The following NEK1 variants were observed in gnomAD, a reference collection of about 807,000 sequenced individuals.
NEK1 encodes NIMA related kinase 1, also known as serine/threonine-protein kinase Nek1.
Under a neutral mutation model 182.1 loss-of-function variants are expected in NEK1, and 137 were observed. The ratio of observed to expected loss-of-function variants is 0.75; its 90% CI spans 0.65 to 0.87. NEK1 has a LOEUF of 0.87. Ranked by LOEUF, NEK1 falls within the 40% of genes least tolerant of loss-of-function variation. NEK1 has a pLI of 0.00. For synonymous variants in NEK1, 513 were observed against 492.2 expected (o/e 1.04, Z -0.56); for missense variants, 1,391 against 1,494.4 (o/e 0.93, Z 1.14).
intron 23 of NEK1, among the ~76,000 whole-genome samples, chr4:169,485,331 T>C (rs1252827002): frequency 1.3e-5 from 2 of 152,198 alleles, no homozygotes; most frequent in South Asian, 2.1e-4. Flanking sequence ...TGAAAATTTA[T>C]GGGTGGTTCA....
chr4:169,577,201 T>C lies in NEK1; in HGVS notation c.869-122A>G, dbSNP rs1003542150. The stretch of plus-strand genomic sequence containing the variant: ...CATTGATAGTATTTTAAACTTTCTA[T>C]CAAATATCTTAATTCATCCCTTAGT... On this transcript the variant is annotated intron_variant, in intron 11 of 35. Transcript: ENST00000507142. 1.3e-4 allele frequency: 119 copies of C among 942,210 alleles called. No individual in the cohort carries two copies. The East Asian group carries it at 3.1e-3, about 25-fold the overall frequency. The allele number at this position is 942,210 out of a possible 1,614,324, so 58.4% of individuals were successfully genotyped here. A position where few individuals can be genotyped will look rare whatever the true frequency, so the allele number is the denominator to read the frequency against.
intron 2 of NEK1, among the ~76,000 whole-genome samples, chr4:169,607,321 T>C (rs12498978): frequency 0.47 from 71,568 of 152,036 alleles, 18,963 homozygotes; most frequent in East Asian, 0.76. Context: ...GACTCACAAA[T>C]GACTCAAACA....
chr4:169,528,813 A>G lies in NEK1; in HGVS notation c.1665+8996T>C, dbSNP rs987094204. Among the ~76,000 whole-genome samples the G allele has an allele frequency of 4.0e-4, 61 of 152,192 alleles. 2 individuals are homozygous for G. Among genetic ancestry groups the G allele is most frequent in the Admixed American group, 4.0e-3 (61 of 15,272 alleles). On this transcript the variant is annotated intron_variant, in intron 19 of 35. Transcript: ENST00000507142. Reference sequence around the variant, plus strand: ...ATATTCCACCCAACAATAGCAGAAAACCATTCCATTCAAGTACATGTGGAA... The same window carrying G: ...ATATTCCACCCAACAATAGCAGAAAGCCATTCCATTCAAGTACATGTGGAA...
intron 19 of NEK1, among the ~76,000 whole-genome samples, chr4:169,537,082 C>G (rs564664061): frequency 6.6e-6 from 1 of 152,196 alleles, no homozygotes; most frequent in African/African-American, 2.4e-5. Flanking sequence ...ATCTAATTAA[C>G]CTATTTCTTA....
intron 12 of NEK1, among the ~76,000 whole-genome samples, chr4:169,572,456 T>C (rs938851304): frequency 1.3e-5 from 2 of 152,176 alleles, no homozygotes; most frequent in Admixed American, 6.6e-5. Context: ...AATTTTGAGA[T>C]GTCTATTAGA....
chr4:169,566,436 T>G (rs1163667227), intron 12 of NEK1, among the ~76,000 whole-genome samples: 1 of 152,222 alleles, frequency 6.6e-6, no homozygotes, highest in East Asian at 1.9e-4. Flanking sequence ...GAGAACTGTT[T>G]GTGTTCTTTT....
intron 31 of NEK1, among the ~76,000 whole-genome samples, chr4:169,420,211 T>C (rs1735250992): frequency 6.6e-6 from 1 of 152,182 alleles, no homozygotes; most frequent in Admixed American, 6.5e-5. Context: ...ATCTAGAAAG[T>C]CTTCAAGGGC....
At chr4:169,494,054 T>C (rs1050290045) in intron 23 of NEK1, among the ~76,000 whole-genome samples, 16 of 151,154 alleles carry the variant, frequency 1.1e-4, no homozygotes, top group African/African-American at 3.6e-4. Flanking sequence ...AGAACCAAAT[T>C]GCCTCTTTTA....
At chr4:169,513,966 GTTAT>G (rs35041721) in intron 19 of NEK1, among the ~76,000 whole-genome samples, 75 of 144,630 alleles carry the variant, frequency 5.2e-4, no homozygotes, top group South Asian at 1.1e-3. Context: ...GAGGATTTTT[GTTAT>G]TTATTTATTT....
intron 18 of NEK1, among the ~76,000 whole-genome samples, chr4:169,551,069 T>C (rs1761357448): frequency 6.6e-6 from 1 of 152,254 alleles, no homozygotes; most frequent in South Asian, 2.1e-4. Flanking sequence ...CCCAATTAAA[T>C]ATTAGTTGCT....
rs978320003 is a variant in NEK1, at chr4:169,561,910, C to T, written c.1081-19G>A. 1.3e-6 allele frequency: 2 copies of T among 1,575,754 alleles called. No homozygotes were observed. The highest frequency in any genetic ancestry group is 1.4e-5 in the African/African-American group (1 of 72,906). ...CTGCTTCCTTAAATAAAAAAAAGAA[C>T]ATTTTAATCCATAATAATTCCTGTT... is the stretch of plus-strand genomic sequence containing the variant. On this transcript the variant is annotated intron_variant, in intron 13 of 35. Coordinates refer to ENST00000507142, the MANE Select transcript of NEK1 (RefSeq NM_001199397.3).
At chr4:169,503,572 T>C (rs1752758034) in intron 23 of NEK1, among the ~76,000 whole-genome samples, 1 of 152,110 alleles carries the variant, frequency 6.6e-6, no homozygotes, top group African/African-American at 2.4e-5. Context: ...TCCATACATC[T>C]ATAGTGAATT....
rs781184197 is a variant in NEK1, at chr4:169,599,141, G to A, written c.271C>T (p.Arg91Ter). 4.3e-6 allele frequency: 7 copies of A among 1,613,264 alleles called. No homozygotes were observed. The highest frequency in any genetic ancestry group is 5.9e-6 in the Non-Finnish European group (7 of 1,179,648). ...AAAACGCCTTTCTGAGCATTTATTC[G>A]CTTAAACAGATCCCCTCCCTCACAG... ...DYCEGGDLFK[R>*]INAQKGVLFQ... The change falls in exon 5 of 36, where the codon CGA becomes TGA. Residue 91 changes from arginine to a stop codon, truncating the protein, a stop_gained. Coordinates refer to ENST00000507142, the MANE Select transcript of NEK1 (RefSeq NM_001199397.3). LOFTEE classifies it high-confidence loss of function.
chr4:169,457,411 A>G (rs766686225), intron 27 of NEK1, among the ~76,000 whole-genome samples: 5 of 151,526 alleles, frequency 3.3e-5, no homozygotes, highest in Non-Finnish European at 7.4e-5. Flanking sequence ...GGCAAAGATG[A>G]CCCAAAATAT....
chr4:169,611,718 T>G (rs1026318006), intron 2 of NEK1, among the ~76,000 whole-genome samples: 3 of 152,214 alleles, frequency 2.0e-5, no homozygotes, highest in Non-Finnish European at 4.4e-5. Flanking sequence ...CTAATTAAAA[T>G]TTATCAGTAA....
chr4:169,535,968 C>T (rs1039931301), intron 19 of NEK1, among the ~76,000 whole-genome samples: 1 of 150,660 alleles, frequency 6.6e-6, no homozygotes, highest in African/African-American at 2.4e-5. Flanking sequence ...ATCTGAGAAG[C>T]TCAATGAACC....
At chr4:169,434,380 T>C (rs1319536630) in intron 28 of NEK1, among the ~76,000 whole-genome samples, 1 of 151,782 alleles carries the variant, frequency 6.6e-6, no homozygotes, top group African/African-American at 2.4e-5. Flanking sequence ...ACCAGGCTAA[T>C]TTTTGTATTT....
chr4:169,580,777 T>C, intron 11 of NEK1, 65 bp downstream of exon 11: 1 of 933,124 alleles, frequency 1.1e-6, no homozygotes, highest in Non-Finnish European at 1.7e-6. Flanking sequence ...TCTACATATA[T>C]TTCCAGTTTA....
rs1412861519 is a variant in NEK1, at chr4:169,424,315, CT to C, written c.3222+237del. Among the ~76,000 whole-genome samples, 8 of 152,128 alleles carry C rather than the reference CT, an allele frequency of 5.3e-5. No homozygotes were observed. The East Asian group carries it at 1.5e-3, about 29-fold the overall frequency. ...TAGTGCATGAGGGTATATAAAGGGA[CT>C]TTTTGCTCAAGTAAAAGACTCTATA... is the stretch of plus-strand genomic sequence containing the variant. On this transcript the variant is annotated intron_variant, in intron 31 of 35. Coordinates refer to ENST00000507142, the MANE Select transcript of NEK1 (RefSeq NM_001199397.3).
Sources: gnomAD v4.1 joint callset for allele counts (sites outside exome capture counted in the v4.1 genomes callset) on GRCh38, gnomAD v4.1.1 for gene constraint, MANE v1.5 for transcripts, NCBI Gene and HGNC (gene_info 2026-07-23, HGNC 2026-07-21) for gene names.